The following AP3B1 variants were observed in gnomAD, a reference collection of about 807,000 sequenced individuals.
The protein encoded by AP3B1 is AP-3 complex subunit beta-1.
AP3B1 carries 61 observed loss-of-function variants against 132.5 expected under a neutral mutation model. The ratio of observed to expected loss-of-function variants is 0.46; its 90% confidence interval spans 0.37 to 0.57. AP3B1 has a LOEUF of 0.57. AP3B1 is among the 20% of genes least tolerant of loss of function. The pLI is 0.00. For synonymous variants in AP3B1, 388 were observed against 438.3 expected, an observed-to-expected ratio of 0.89 and a Z score of 1.43; for missense variants, 1,120 against 1,289.4, an observed-to-expected ratio of 0.87 and a Z score of 2.01.
chr5:78,204,043 C>T (rs1745405761), intron 7 of AP3B1, among the ~76,000 whole-genome samples: 1 of 152,080 alleles, frequency 6.6e-6, no homozygotes, highest in Non-Finnish European at 1.5e-5. Flanking sequence ...ATTTAAAACC[C>T]TTGGGCTAGC....
intron 26 of AP3B1, 37 bp downstream of exon 26, chr5:78,015,373 T>G: frequency 6.2e-7 from 1 of 1,607,684 alleles, no homozygotes. Context: ...CATATTCAAG[T>G]CATCTTCACC....
chr5:78,119,294 CA>C (rs1269390040), intron 17 of AP3B1, among the ~76,000 whole-genome samples: 2 of 152,270 alleles, frequency 1.3e-5, no homozygotes, highest in African/African-American at 4.8e-5. Flanking sequence ...TCTCCTCCTC[CA>C]AAGGAACGCA....
intron 7 of AP3B1, among the ~76,000 whole-genome samples, chr5:78,207,757 C>A (rs905782532): frequency 1.3e-5 from 2 of 151,952 alleles, no homozygotes; most frequent in South Asian, 4.1e-4. Context: ...CTTTGGCTAT[C>A]TTCAGATTTC....
At chr5:78,082,478 A>G (rs2112184912) in intron 22 of AP3B1, among the ~76,000 whole-genome samples, 1 of 152,312 alleles carries the variant, frequency 6.6e-6, no homozygotes, top group East Asian at 1.9e-4. Flanking sequence ...TTTCGGGATC[A>G]TTATTTCATT....
At chr5:78,134,472 C>T (rs1752822635) in intron 15 of AP3B1, among the ~76,000 whole-genome samples, 1 of 152,168 alleles carries the variant, frequency 6.6e-6, no homozygotes, top group South Asian at 2.1e-4. Flanking sequence ...GTAAACTCTA[C>T]ATAGAATTCT....
chr5:78,018,379 A>G (rs1176230507), intron 25 of AP3B1, among the ~76,000 whole-genome samples: 1 of 152,046 alleles, frequency 6.6e-6, no homozygotes, highest in East Asian at 1.9e-4. Flanking sequence ...AGAAAAAGTG[A>G]TAGATCATGT....
At chr5:78,040,649 A>G (rs1187108730) in intron 22 of AP3B1, among the ~76,000 whole-genome samples, 2 of 152,182 alleles carry the variant, frequency 1.3e-5, no homozygotes, top group African/African-American at 4.8e-5. Flanking sequence ...ATTGCATACT[A>G]GGCTTGACCT....
In AP3B1 at chr5:78,118,895, C is replaced by T. The variant is rs549396757; in HGVS notation, c.1969-2661G>A. Among the ~76,000 whole-genome samples the T allele has an allele frequency of 3.1e-3, 465 of 152,328 alleles. 2 individuals are homozygous for T. Among genetic ancestry groups the T allele is most frequent in the African/African-American group, 0.011 (443 of 41,576 alleles). On this transcript the variant is annotated intron_variant, in intron 17 of 26. Coordinates refer to ENST00000255194, the MANE Select transcript of AP3B1 (RefSeq NM_003664.5). ...TGCCTCCTCAAGTGGGTCCCTGACC[C>T]CCAAGCAGCCTAACTGGGAGGCACC...
chr5:78,097,567 G>GC (rs1750913977), intron 21 of AP3B1, among the ~76,000 whole-genome samples: 1 of 127,252 alleles, frequency 7.9e-6, no homozygotes, highest in South Asian at 2.6e-4. Flanking sequence ...TAGGGGGTCA[G>GC]CCCCCCGCCC....
At chr5:78,075,505 T>C (rs1470206828) in intron 22 of AP3B1, among the ~76,000 whole-genome samples, 1 of 152,200 alleles carries the variant, frequency 6.6e-6, no homozygotes, top group African/African-American at 2.4e-5. Flanking sequence ...TATCCCTAAC[T>C]CACGGAAGAG....
chr5:78,065,679 A>T (rs1240625745), intron 22 of AP3B1, among the ~76,000 whole-genome samples: 3 of 151,508 alleles, frequency 2.0e-5, no homozygotes, highest in Non-Finnish European at 2.9e-5. Context: ...GAACAAAGCC[A>T]CTCTGGGGAA....
intron 17 of AP3B1, among the ~76,000 whole-genome samples, chr5:78,125,501 T>C (rs1752419024): frequency 6.6e-6 from 1 of 152,096 alleles, no homozygotes; most frequent in Non-Finnish European, 1.5e-5. Context: ...GGAAGGGAGA[T>C]GAAGTAGAGT....
At chr5:78,000,541 T>C (rs1390183908), downstream of AP3B1, 1 of 152,220 alleles carries the variant, frequency 6.6e-6, no homozygotes. Flanking sequence ...AGGACAAGTA[T>C]ACAGTATTTT....
intron 25 of AP3B1, among the ~76,000 whole-genome samples, chr5:78,017,003 C>T (rs1349986625): frequency 1.3e-5 from 2 of 151,990 alleles, no homozygotes; most frequent in African/African-American, 4.8e-5. Context: ...GCCTGTTTCC[C>T]GCAGCATGTA....
intron 22 of AP3B1, among the ~76,000 whole-genome samples, chr5:78,048,121 G>T (rs76331184): frequency 0.026 from 3,991 of 152,236 alleles, 155 homozygotes; most frequent in East Asian, 0.14. Flanking sequence ...ACTTTACAAA[G>T]TAGAGGTTAC....
intron 2 of AP3B1, among the ~76,000 whole-genome samples, chr5:78,262,008 A>C (rs1323648056): frequency 2.0e-5 from 3 of 152,040 alleles, no homozygotes; most frequent in African/African-American, 7.2e-5. Flanking sequence ...ACCTCAAGTA[A>C]TCCGCCCACC....
At chr5:78,122,517 T>A (rs944797737) in intron 17 of AP3B1, among the ~76,000 whole-genome samples, 1 of 152,180 alleles carries the variant, frequency 6.6e-6, no homozygotes, top group Non-Finnish European at 1.5e-5. Flanking sequence ...ACAAAATCAA[T>A]GTGCAAAAAT....
intron 24 of AP3B1, among the ~76,000 whole-genome samples, chr5:78,027,168 G>T (rs1466410832): frequency 6.6e-6 from 1 of 151,580 alleles, no homozygotes; most frequent in African/African-American, 2.4e-5. Flanking sequence ...TAAGACTTTT[G>T]TCCTCAGAGT....
At chr5:78,170,077 G>C (rs1194156244) in intron 11 of AP3B1, among the ~76,000 whole-genome samples, 1 of 152,156 alleles carries the variant, frequency 6.6e-6, no homozygotes, top group African/African-American at 2.4e-5. Flanking sequence ...CCCTGCAAAA[G>C]ACATGAACTC....
Sources: allele counts gnomAD v4.1 joint callset (sites outside exome capture counted in the v4.1 genomes callset), GRCh38; gene constraint gnomAD v4.1.1; transcripts MANE v1.5; gene names NCBI Gene and HGNC (gene_info 2026-07-23, HGNC 2026-07-21).